Variants in PCCA observed in about 807,000 individuals in gnomAD.
PCCA encodes propionyl-CoA carboxylase subunit alpha, also known as propionyl-CoA carboxylase alpha chain, mitochondrial.
PCCA carries 74 observed loss-of-function variants against 101.3 expected under a neutral mutation model. The ratio of observed to expected loss-of-function variants is 0.73; its 90% confidence interval spans 0.61 to 0.89. The LOEUF is 0.89. Ranked by LOEUF, PCCA falls within the 40% of genes least tolerant of loss-of-function variation. The pLI, the probability that PCCA is intolerant of heterozygous loss-of-function variation, is 0.00. For missense variants in PCCA, 891 were observed against 907.0 expected (o/e 0.98, Z 0.23); for synonymous variants, 294 against 313.6 (o/e 0.94, Z 0.66).
At chr13:100,219,067 G>A (rs972094103) in intron 7 of PCCA, among the ~76,000 whole-genome samples, 3 of 152,144 alleles carry the variant, frequency 2.0e-5, no homozygotes, top group African/African-American at 7.2e-5. Flanking sequence ...ATGCAGCCTG[G>A]TTCACTCCCT....
rs576717821 is a variant in PCCA at position 100,185,136 on chromosome 13, C to G, written c.469-24196C>G. On this transcript the variant is annotated intron_variant, in intron 6 of 23. Transcript: ENST00000376285. ...TTGCATGTTCCCTTCAAATGATGCT[C>G]CTTCCTCCCATCCCAGGAACACTGT... is the stretch of plus-strand genomic sequence containing the variant. 4.1e-4 allele frequency among the ~76,000 whole-genome samples: 63 copies of G among 152,336 alleles called. 2 individuals carry two copies. The South Asian group carries it at 0.013, about 31-fold the overall frequency.
chr13:100,318,341 C>T (rs1283469596), intron 16 of PCCA, among the ~76,000 whole-genome samples: 1 of 151,720 alleles, frequency 6.6e-6, no homozygotes, highest in Non-Finnish European at 1.5e-5. Flanking sequence ...CTGTCTCTGT[C>T]TCTCTCTCTC....
chr13:100,310,623 A>G (rs1253137142), intron 16 of PCCA, among the ~76,000 whole-genome samples: 1 of 152,204 alleles, frequency 6.6e-6, no homozygotes, highest in African/African-American at 2.4e-5. Flanking sequence ...CTGGCTTCTG[A>G]AAGGAGTACT....
intron 18 of PCCA, among the ~76,000 whole-genome samples, chr13:100,347,149 A>C (rs1441008434): frequency 6.6e-6 from 1 of 152,216 alleles, no homozygotes; most frequent in Non-Finnish European, 1.5e-5. Flanking sequence ...TGCTGGGTTT[A>C]CAGGTGTTAG....
chr13:100,523,624 C>A (rs2087481858), intron 22 of PCCA, among the ~76,000 whole-genome samples: 2 of 152,162 alleles, frequency 1.3e-5, no homozygotes, highest in Non-Finnish European at 2.9e-5. Flanking sequence ...AAGGCCGACT[C>A]CTGCTTAATG....
At chr13:100,511,749 C>T (rs1594083517) in intron 21 of PCCA, among the ~76,000 whole-genome samples, 1 of 152,240 alleles carries the variant, frequency 6.6e-6, no homozygotes, top group African/African-American at 2.4e-5. Context: ...AAACTGCAAG[C>T]GCTCACCTCG....
chr13:100,293,129 G>C (rs1012765370), intron 12 of PCCA: 1 of 431,938 alleles, frequency 2.3e-6, no homozygotes, highest in Non-Finnish European at 4.7e-6. Context: ...CCCCAAACAT[G>C]GTCAGTCAGC....
chr13:100,372,873 G>A (rs1445672417), intron 19 of PCCA, among the ~76,000 whole-genome samples: 1 of 152,126 alleles, frequency 6.6e-6, no homozygotes, highest in South Asian at 2.1e-4. Context: ...CCAAGTAGCT[G>A]GGATTACAGG....
intron 4 of PCCA, among the ~76,000 whole-genome samples, chr13:100,118,343 C>T (rs957794571): frequency 1.9e-4 from 29 of 151,894 alleles, no homozygotes; most frequent in African/African-American, 6.0e-4. Flanking sequence ...TTCTTTGATC[C>T]ACAGTTCAAT....
chr13:100,416,647 C>G (rs180732255), intron 19 of PCCA, among the ~76,000 whole-genome samples: 1 of 151,750 alleles, frequency 6.6e-6, no homozygotes, highest in Admixed American at 6.6e-5. Flanking sequence ...ACCTCAGCCG[C>G]CTGAGTAACT....
chr13:100,089,900 G>A (rs1039438685), intron 1 of PCCA, among the ~76,000 whole-genome samples: 4 of 152,104 alleles, frequency 2.6e-5, no homozygotes, highest in South Asian at 2.1e-4. Context: ...TGTCATGATG[G>A]CAGATTGACA....
At chr13:100,365,774 A>C (rs1423928268) in intron 18 of PCCA, among the ~76,000 whole-genome samples, 2 of 152,232 alleles carry the variant, frequency 1.3e-5, no homozygotes, top group African/African-American at 4.8e-5. Context: ...TAGCATGTAT[A>C]CACCTAATTT....
chr13:100,260,191 C>T (rs2062392205), intron 9 of PCCA, among the ~76,000 whole-genome samples: 1 of 152,118 alleles, frequency 6.6e-6, no homozygotes, highest in Non-Finnish European at 1.5e-5. Context: ...TTTGCAGCCT[C>T]CTAAGATTCC....
At chr13:100,091,768 CTTAT>C (rs145253197) in intron 1 of PCCA, among the ~76,000 whole-genome samples, 143 of 152,200 alleles carry the variant, frequency 9.4e-4, no homozygotes, top group African/African-American at 3.4e-3. Context: ...ACCTTTTAGT[CTTAT>C]TTGTTTTGTG....
chr13:100,310,616 G>A (rs1055926714), intron 16 of PCCA, among the ~76,000 whole-genome samples: 3 of 151,976 alleles, frequency 2.0e-5, no homozygotes, highest in African/African-American at 7.3e-5. Context: ...ACTCCATCTG[G>A]CTTCTGAAAG....
chr13:100,442,977 G>C (rs2079089095), intron 20 of PCCA, among the ~76,000 whole-genome samples: 2 of 152,164 alleles, frequency 1.3e-5, no homozygotes, highest in Admixed American at 1.3e-4. Context: ...TCATCTAGGG[G>C]CCAAAGAACT....
intron 21 of PCCA, among the ~76,000 whole-genome samples, chr13:100,455,348 A>G (rs2081625502): frequency 6.6e-6 from 1 of 152,192 alleles, no homozygotes; most frequent in Non-Finnish European, 1.5e-5. Context: ...AGGAACTAAC[A>G]TCTTCCCGAC....
intron 18 of PCCA, among the ~76,000 whole-genome samples, chr13:100,359,638 G>A (rs776312201): frequency 3.3e-5 from 5 of 152,132 alleles, no homozygotes; most frequent in Admixed American, 6.6e-5. Flanking sequence ...AAGAAATAAC[G>A]GAGCCTAATG....
At chr13:100,234,158 C>T (rs759223629) in intron 7 of PCCA, among the ~76,000 whole-genome samples, 4 of 152,142 alleles carry the variant, frequency 2.6e-5, no homozygotes, top group Non-Finnish European at 4.4e-5. Flanking sequence ...ACTAATTGTT[C>T]GCATTTGGCA....
Sources: gnomAD v4.1 joint callset for allele counts (sites outside exome capture counted in the v4.1 genomes callset) on GRCh38, gnomAD v4.1.1 for gene constraint, MANE v1.5 for transcripts, NCBI Gene and HGNC (gene_info 2026-07-23, HGNC 2026-07-21) for gene names.